Variants in ADAMTSL1 observed in about 807,000 individuals in gnomAD.
ADAMTSL1 encodes ADAMTS-like protein 1.
ADAMTSL1 carries 126 observed loss-of-function variants against 201.8 expected under a neutral mutation model. The ratio of observed to expected loss-of-function variants is 0.62; its 90% confidence interval spans 0.54 to 0.72. The LOEUF is 0.72. Ranked by LOEUF, ADAMTSL1 falls within the 30% of genes least tolerant of loss-of-function variation. The probability of loss-of-function intolerance (pLI) is 0.00; values close to 1 mark genes in which losing one functional copy is unlikely to be tolerated. For missense variants in ADAMTSL1, 2,679 were observed against 2,277.8 expected, an observed-to-expected ratio of 1.18 and a Z score of -3.59; for synonymous variants, 1,121 against 903.4, an observed-to-expected ratio of 1.24 and a Z score of -4.32.
At chr9:18,354,580 G>A (rs905894519) in intron 2 of ADAMTSL1, among the ~76,000 whole-genome samples, 1 of 152,130 alleles carries the variant, frequency 6.6e-6, no homozygotes, top group Admixed American at 6.5e-5. Context: ...GAGGAATCTG[G>A]AAGGTGCAAA....
At chr9:18,258,494 A>G (rs1013820335) in intron 2 of ADAMTSL1, among the ~76,000 whole-genome samples, 3 of 152,152 alleles carry the variant, frequency 2.0e-5, no homozygotes, top group African/African-American at 7.2e-5. Flanking sequence ...CTTTCTCTGC[A>G]TTCTCTCTTC....
chr9:18,292,496 G>A (rs1249335471), intron 2 of ADAMTSL1, among the ~76,000 whole-genome samples: 1 of 152,138 alleles, frequency 6.6e-6, no homozygotes, highest in Non-Finnish European at 1.5e-5. Flanking sequence ...TGAGGGTGTT[G>A]CCAAAGGAGG....
intron 2 of ADAMTSL1, among the ~76,000 whole-genome samples, chr9:18,389,522 A>G (rs1381067369): frequency 6.6e-6 from 1 of 152,192 alleles, no homozygotes; most frequent in Non-Finnish European, 1.5e-5. Flanking sequence ...GACTTAGTGC[A>G]GCTAGTTGTG....
At chr9:18,310,797 A>G (rs112948895) in intron 2 of ADAMTSL1, among the ~76,000 whole-genome samples, 10,680 of 152,210 alleles carry the variant, frequency 0.07, 379 homozygotes, top group Middle Eastern at 0.13. Context: ...GCACTGTGGC[A>G]ATTCCTCAAG....
chr9:18,287,607 A>G (rs377112877), intron 2 of ADAMTSL1, among the ~76,000 whole-genome samples: 228 of 102,678 alleles, frequency 2.2e-3, no homozygotes, highest in South Asian at 0.021. Context: ...ACATATATGC[A>G]TATATGTATG....
intron 1 of ADAMTSL1, among the ~76,000 whole-genome samples, chr9:18,125,862 G>A (rs1209417262): frequency 6.6e-6 from 1 of 152,182 alleles, no homozygotes; most frequent in Admixed American, 6.5e-5. Context: ...TCTGACAACA[G>A]GACTAAATCT....
chr9:17,920,302 A>C (rs1356153469), intron 1 of ADAMTSL1, among the ~76,000 whole-genome samples: 1 of 152,072 alleles, frequency 6.6e-6, no homozygotes, highest in African/African-American at 2.4e-5. Flanking sequence ...TGTTGTCTTT[A>C]GGTCTGATTG....
chr9:17,933,855 C>A (rs181176632), intron 1 of ADAMTSL1, among the ~76,000 whole-genome samples: 7 of 152,156 alleles, frequency 4.6e-5, no homozygotes, highest in Admixed American at 4.6e-4. Flanking sequence ...ATGGGGATTA[C>A]AATTTGACCA....
intron 5 of ADAMTSL1, chr9:18,622,721 G>A (rs185252318): frequency 2.2e-5 from 9 of 400,720 alleles, no homozygotes; most frequent in East Asian, 1.9e-4. Flanking sequence ...GGAAGATAAC[G>A]AGGAAAGTGG....
chr9:18,173,877 T>A (rs1201630056), intron 2 of ADAMTSL1, among the ~76,000 whole-genome samples: 1 of 152,190 alleles, frequency 6.6e-6, no homozygotes, highest in Non-Finnish European at 1.5e-5. Context: ...TGGTGAAATT[T>A]CGGTTTTACA....
At chr9:18,366,427 C>T (rs574077670) in intron 2 of ADAMTSL1, among the ~76,000 whole-genome samples, 1 of 151,992 alleles carries the variant, frequency 6.6e-6, no homozygotes, top group East Asian at 1.9e-4. Context: ...CTATAATCCT[C>T]ATTTATGTGT....
chr9:18,886,515 T>C (rs916100209), intron 23 of ADAMTSL1, among the ~76,000 whole-genome samples: 2 of 148,784 alleles, frequency 1.3e-5, no homozygotes, highest in Non-Finnish European at 3.0e-5. Flanking sequence ...ACTAGTGGCT[T>C]ATAAACAAAC....
chr9:18,523,609 A>C (rs367646399), intron 2 of ADAMTSL1, among the ~76,000 whole-genome samples: 3 of 151,232 alleles, frequency 2.0e-5, no homozygotes, highest in Admixed American at 6.6e-5. Context: ...ATCTTGAATT[A>C]ATTTTTGTAT....
intron 1 of ADAMTSL1, among the ~76,000 whole-genome samples, chr9:17,928,666 T>C (rs1207038675): frequency 1.3e-5 from 2 of 152,068 alleles, no homozygotes; most frequent in Non-Finnish European, 2.9e-5. Context: ...TCCCAGTACT[T>C]TGGGAGGCTG....
At chr9:18,789,063 T>A (rs535980583) in intron 19 of ADAMTSL1, among the ~76,000 whole-genome samples, 1 of 152,318 alleles carries the variant, frequency 6.6e-6, no homozygotes, top group South Asian at 2.1e-4. Flanking sequence ...CAGCAAACCC[T>A]TTGTTCCCTT....
At chr9:18,812,488 G>GA (rs1050456912) in intron 20 of ADAMTSL1, among the ~76,000 whole-genome samples, 8 of 151,942 alleles carry the variant, frequency 5.3e-5, no homozygotes, top group Admixed American at 3.3e-4. Flanking sequence ...AAAACATTTA[G>GA]AAAAAAATAG....
intron 21 of ADAMTSL1, among the ~76,000 whole-genome samples, chr9:18,820,930 T>G (rs2131206901): frequency 1.3e-5 from 2 of 152,318 alleles, no homozygotes; most frequent in East Asian, 3.9e-4. Context: ...AGAAAGAGCA[T>G]GCTGCATTTA....
chr9:18,703,179 T>TAA (rs1205946202), intron 13 of ADAMTSL1, among the ~76,000 whole-genome samples: 1 of 152,214 alleles, frequency 6.6e-6, no homozygotes, highest in African/African-American at 2.4e-5. Context: ...GGTCCCTCTT[T>TAA]AAAGCTTCTA....
At chr9:18,844,843 A>C (rs1030921342) in intron 23 of ADAMTSL1, among the ~76,000 whole-genome samples, 12 of 152,216 alleles carry the variant, frequency 7.9e-5, no homozygotes, top group Non-Finnish European at 1.5e-4. Flanking sequence ...CCTCCGAGCC[A>C]TGTGCGGGAT....
Sources: allele counts gnomAD v4.1 joint callset (sites outside exome capture counted in the v4.1 genomes callset), GRCh38; gene constraint gnomAD v4.1.1; transcripts MANE v1.5; gene names NCBI Gene and HGNC (gene_info 2026-07-23, HGNC 2026-07-21).